ABI1: variants seen among roughly 807,000 people sequenced by gnomAD.
ABI1 encodes the protein Abelson interactor 1.
In ABI1, 14 loss-of-function variants were observed where a neutral mutation model predicts 54.6. The ratio of observed to expected loss-of-function variants is 0.26; its 90% CI spans 0.17 to 0.40. The LOEUF is 0.40. ABI1 is among the 10% of genes least tolerant of loss of function. The probability of loss-of-function intolerance (pLI) is 1.00; values close to 1 mark genes in which losing one functional copy is unlikely to be tolerated. For missense variants in ABI1, 443 were observed against 598.3 expected, an observed-to-expected ratio of 0.74 and a Z score of 2.71; for synonymous variants, 194 against 209.3, an observed-to-expected ratio of 0.93 and a Z score of 0.63.
At chr10:26,782,721 CA>C (rs60447736) in intron 2 of ABI1, among the ~76,000 whole-genome samples, 63,311 of 112,316 alleles carry the variant, frequency 0.56, 14,784 homozygotes, top group African/African-American at 0.69. Context: ...GACTCTGTCT[CA>C]AAAAAAAAAA....
At chr10:26,804,639 T>C (rs1052460593) in intron 2 of ABI1, among the ~76,000 whole-genome samples, 8 of 152,170 alleles carry the variant, frequency 5.3e-5, no homozygotes, top group South Asian at 2.1e-4. Context: ...GCCAACACTA[T>C]GTAAAGGTAA....
chr10:26,809,267 T>C (rs1168070810), intron 2 of ABI1, among the ~76,000 whole-genome samples: 2 of 142,000 alleles, frequency 1.4e-5, no homozygotes, highest in Non-Finnish European at 3.0e-5. Flanking sequence ...GAGACTTATC[T>C]CAAAAAAAAA....
At chr10:26,771,324 T>G (rs1840659766) in intron 3 of ABI1, among the ~76,000 whole-genome samples, 1 of 152,186 alleles carries the variant, frequency 6.6e-6, no homozygotes, top group Non-Finnish European at 1.5e-5. Context: ...ACTTAATTAT[T>G]CCAATCTCAT....
At chr10:26,814,573 TG>T (rs1306782935) in intron 2 of ABI1, among the ~76,000 whole-genome samples, 2 of 152,198 alleles carry the variant, frequency 1.3e-5, no homozygotes, top group African/African-American at 4.8e-5. Flanking sequence ...GAAAAGTGAC[TG>T]GCACCTTTAG....
Position 26,746,927 on chromosome 10 carries a change from T to C in ABI1, c.*1643A>G, listed in dbSNP as rs1836994614. 3 of 255,714 alleles carry C rather than the reference T, an allele frequency of 1.2e-5. No homozygotes were observed. Among genetic ancestry groups the C allele is most frequent in the East Asian group, 1.2e-4 (2 of 16,452 alleles). 15.8% of individuals were successfully genotyped at this position (255,714 alleles called of 1,614,324 possible). A position where few individuals can be genotyped will look rare whatever the true frequency, so the allele number is the denominator to read the frequency against. ...GAGAATGGTTTATTATAAAAGACTG[T>C]ACATAAAATTTAGACAACAGGTTAT... On this transcript the variant is annotated 3_prime_UTR_variant, in exon 11 of 11. Transcript: ENST00000376140.
At chr10:26,859,366 G>A (rs973147898) in intron 1 of ABI1, among the ~76,000 whole-genome samples, 6 of 152,142 alleles carry the variant, frequency 3.9e-5, no homozygotes, top group African/African-American at 1.4e-4. Flanking sequence ...AATAAAGAGG[G>A]GAAGCATTTG....
rs1168285053 is a variant in ABI1, at chr10:26,857,848, C to CAAA, written c.117+2896_117+2898dup. ...CCTGGGTGACAGAGCAAGTCTGTCT[C>CAAA]AAAAAAAAAAAAAAAAAGAAAGAAA... On this transcript the variant is annotated intron_variant, in intron 1 of 10. Coordinates refer to ENST00000376140, the MANE Select transcript of ABI1 (RefSeq NM_001012750.3). 1.6e-3 allele frequency among the ~76,000 whole-genome samples: 158 copies of CAAA among 100,104 alleles called. 1 individual carries two copies. Among genetic ancestry groups the CAAA allele is most frequent in the East Asian group, 0.015 (50 of 3,298 alleles). The allele number at this position is 100,104 out of a possible 152,430, so 65.7% of individuals were successfully genotyped here.
At chr10:26,795,456 A>G (rs1844032260) in intron 2 of ABI1, among the ~76,000 whole-genome samples, 2 of 152,192 alleles carry the variant, frequency 1.3e-5, no homozygotes, top group Non-Finnish European at 2.9e-5. Flanking sequence ...AAGTAGTAAA[A>G]TTATCTCTAT....
At chr10:26,833,685 T>A (rs765831280) in intron 1 of ABI1, among the ~76,000 whole-genome samples, 2 of 152,020 alleles carry the variant, frequency 1.3e-5, no homozygotes, top group Non-Finnish European at 2.9e-5. Context: ...GCAAGAGCCA[T>A]GATGATCAAG....
intron 1 of ABI1, among the ~76,000 whole-genome samples, chr10:26,842,704 TA>T (rs1272945140): frequency 1.3e-5 from 2 of 152,136 alleles, no homozygotes; most frequent in Non-Finnish European, 2.9e-5. Flanking sequence ...ATATAAAAGA[TA>T]AAGGCAAGAC....
chr10:26,843,499 T>A (rs1449309250), intron 1 of ABI1, among the ~76,000 whole-genome samples: 28 of 114,546 alleles, frequency 2.4e-4, no homozygotes, highest in Admixed American at 4.3e-4. Context: ...TATATATATA[T>A]ATATATATAT....
chr10:26,834,548 AACACAC>A (rs571268846), intron 1 of ABI1, among the ~76,000 whole-genome samples: 4,900 of 138,588 alleles, frequency 0.035, 103 homozygotes, highest in East Asian at 0.11. Flanking sequence ...AGACATACAA[AACACAC>A]ACACACACAC....
chr10:26,774,390 T>C (rs1267988451), intron 3 of ABI1, among the ~76,000 whole-genome samples: 2 of 152,176 alleles, frequency 1.3e-5, no homozygotes, highest in African/African-American at 4.8e-5. Context: ...CTAGTGTTCA[T>C]CAAAATAAAT....
chr10:26,819,365 T>C (rs2047814663), intron 2 of ABI1, among the ~76,000 whole-genome samples: 1 of 152,234 alleles, frequency 6.6e-6, no homozygotes, highest in Non-Finnish European at 1.5e-5. Context: ...AAAGGGTCTA[T>C]TCATCAAGTG....
At chr10:26,830,636 A>AC (rs916900155) in intron 1 of ABI1, among the ~76,000 whole-genome samples, 5 of 151,720 alleles carry the variant, frequency 3.3e-5, no homozygotes, top group African/African-American at 9.7e-5. Context: ...AAAAAAAAAA[A>AC]AAAAACAAAA....
chr10:26,765,191 T>C (rs1180787204), intron 7 of ABI1, 27 bp downstream of exon 7: 3 of 1,476,338 alleles, frequency 2.0e-6, no homozygotes, highest in Non-Finnish European at 2.8e-6. Flanking sequence ...TTATCATGTA[T>C]TAAACATAGA....
chr10:26,781,380 G>A (rs1280463706), intron 2 of ABI1, among the ~76,000 whole-genome samples: 1 of 152,246 alleles, frequency 6.6e-6, no homozygotes, highest in Non-Finnish European at 1.5e-5. Context: ...CTCCCTTTGA[G>A]AAAGTCTGAT....
rs11015273 is a variant in ABI1, at chr10:26,765,318, A to C, written c.720T>G (p.Ser240Arg). 6.4e-7 allele frequency: 1 copy of C among 1,572,090 alleles called. No homozygotes were observed. Among genetic ancestry groups the C allele is most frequent in the East Asian group, 2.3e-5 (1 of 44,396 alleles). The change falls in exon 7 of 11, where the codon AGT becomes AGG. Residue 240 changes from serine to arginine, a missense_variant and splice_region_variant. Coordinates refer to ENST00000376140, the MANE Select transcript of ABI1 (RefSeq NM_001012750.3). ...ASLNQRPRTH[S>R]GSSGGSGSRE... The stretch of plus-strand genomic sequence containing the variant: ...GACTTCCACTTCCTCCACTACTTCC[A>C]CTGAAAAGAAAAAAAAAAACTGTGA...
At chr10:26,851,401 A>G (rs2050384347) in intron 1 of ABI1, among the ~76,000 whole-genome samples, 2 of 119,976 alleles carry the variant, frequency 1.7e-5, no homozygotes, top group Non-Finnish European at 3.3e-5. Flanking sequence ...TTGTTACCCA[A>G]GCTGATCTCA....
Sources: allele counts gnomAD v4.1 joint callset (sites outside exome capture counted in the v4.1 genomes callset), GRCh38; gene constraint gnomAD v4.1.1; transcripts MANE v1.5; gene names NCBI Gene and HGNC (gene_info 2026-07-23, HGNC 2026-07-21).